BTBD8: variants seen among roughly 807,000 people sequenced by gnomAD.
BTBD8 encodes the protein BTB/POZ domain-containing protein 8.
Under a neutral mutation model 162.9 loss-of-function variants are expected in BTBD8, and 110 were observed. That is an observed-to-expected ratio of 0.68 (90% CI 0.58 to 0.79). The LOEUF (loss-of-function observed/expected upper bound fraction) is 0.79, where lower values mean the gene tolerates loss of function less well. Ranked by LOEUF, BTBD8 falls within the 30% of genes least tolerant of loss-of-function variation. BTBD8 has a pLI of 0.00. For missense variants in BTBD8, 1,905 were observed against 2,085.4 expected (o/e 0.91, Z 1.68); for synonymous variants, 667 against 716.1 (o/e 0.93, Z 1.10).
chr1:92,141,083 G>T, intron 6 of BTBD8, 32 bp from the exon 7 acceptor site: 1 of 1,494,878 alleles, frequency 6.7e-7, no homozygotes, highest in Non-Finnish European at 8.9e-7. Context: ...TTTTAAATTG[G>T]AGAATTAACA....
At chr1:92,129,862 C>A in intron 5 of BTBD8, 86 bp downstream of exon 5, 1 of 1,131,610 alleles carries the variant, frequency 8.8e-7, no homozygotes, top group South Asian at 1.3e-5. Flanking sequence ...TCTGATTTCC[C>A]TGGATGTTCA....
chr1:92,122,680 C>T (rs568816255), intron 4 of BTBD8, among the ~76,000 whole-genome samples: 4 of 151,216 alleles, frequency 2.6e-5, no homozygotes, highest in South Asian at 2.1e-4. Flanking sequence ...TTCTTGTGCC[C>T]CAGCCTCCTG....
chr1:92,084,773 G>T (rs1648110113), intron 1 of BTBD8, among the ~76,000 whole-genome samples: 1 of 152,114 alleles, frequency 6.6e-6, no homozygotes, highest in Non-Finnish European at 1.5e-5. Flanking sequence ...GTTAATAGAG[G>T]TTCAGCACAC....
Position 92,167,989 on chromosome 1 carries a change from C to T in BTBD8, c.1443+4C>T. Reference sequence around the variant, plus strand: ...CTCTGACAGTACAAAGGAAATGGTACTGAATGTAATGAAATTTATTAAAAT... The same window carrying T: ...CTCTGACAGTACAAAGGAAATGGTATTGAATGTAATGAAATTTATTAAAAT... On this transcript the variant is annotated splice_donor_region_variant and intron_variant, in intron 11 of 17. Coordinates refer to ENST00000636805, the MANE Select transcript of BTBD8 (RefSeq NM_001376131.1). 1 of 1,529,836 alleles carries T rather than the reference C, an allele frequency of 6.5e-7. No individual in the cohort carries two copies. The highest frequency in any genetic ancestry group is 1.3e-5 in the South Asian group (1 of 79,338). 94.8% of individuals were successfully genotyped at this position (1,529,836 alleles called of 1,614,324 possible). A position where few individuals can be genotyped will look rare whatever the true frequency, so the allele number is the denominator to read the frequency against.
At chr1:92,130,553 CACACACACACACACAT>C (rs1244653116) in intron 5 of BTBD8, among the ~76,000 whole-genome samples, 3 of 144,630 alleles carry the variant, frequency 2.1e-5, no homozygotes, top group Admixed American at 7.2e-5. Flanking sequence ...CACACACACA[CACACACACACACACAT>C]ATACGCACAC....
intron 11 of BTBD8, 94 bp downstream of exon 11, chr1:92,168,079 G>A: frequency 2.7e-6 from 3 of 1,112,058 alleles, no homozygotes; most frequent in Non-Finnish European, 3.7e-6. Flanking sequence ...GGTCATTGAA[G>A]CTAGGCAGTG....
At chr1:92,182,642 A>G (rs1195520551) in intron 17 of BTBD8, 47 bp downstream of exon 17, 2 of 1,248,496 alleles carry the variant, frequency 1.6e-6, no homozygotes, top group Non-Finnish European at 2.1e-6. Context: ...AAATAAGTTT[A>G]TAAAATTTTA....
At chr1:92,119,698 C>T (rs1421064803) in intron 4 of BTBD8, among the ~76,000 whole-genome samples, 1 of 150,338 alleles carries the variant, frequency 6.7e-6, no homozygotes, top group Non-Finnish European at 1.5e-5. Flanking sequence ...GCGATCTCGG[C>T]TCACTGCAAG....
intron 4 of BTBD8, among the ~76,000 whole-genome samples, chr1:92,124,827 T>C (rs1649309324): frequency 1.3e-5 from 2 of 152,220 alleles, no homozygotes; most frequent in African/African-American, 4.8e-5. Context: ...TGTCATTTTT[T>C]CAAACCTAAG....
intron 3 of BTBD8, among the ~76,000 whole-genome samples, chr1:92,104,077 G>A (rs493595): frequency 0.69 from 104,643 of 151,584 alleles, 36,541 homozygotes; most frequent in East Asian, 0.97. Flanking sequence ...GCAATAACCT[G>A]GTGTTTCTCA....
chr1:92,108,043 A>G (rs1017237592), intron 4 of BTBD8, 42 bp downstream of exon 4: 1 of 1,532,820 alleles, frequency 6.5e-7, no homozygotes, highest in Non-Finnish European at 9.0e-7. Flanking sequence ...TTGTGGCTGT[A>G]GAGTGTGGAA....
chr1:92,128,185 C>T (rs918598866), intron 4 of BTBD8, among the ~76,000 whole-genome samples: 1 of 151,884 alleles, frequency 6.6e-6, no homozygotes, highest in Non-Finnish European at 1.5e-5. Context: ...GGTGCGATCT[C>T]GGCTCACTGC....
chr1:92,124,407 A>G (rs1649299443), intron 4 of BTBD8, among the ~76,000 whole-genome samples: 2 of 152,296 alleles, frequency 1.3e-5, no homozygotes, highest in Admixed American at 1.3e-4. Context: ...TTGGAATATA[A>G]TATTGTTCCG....
intron 7 of BTBD8, among the ~76,000 whole-genome samples, chr1:92,142,086 C>G (rs12066588): frequency 6.6e-6 from 1 of 152,168 alleles, no homozygotes; most frequent in Non-Finnish European, 1.5e-5. Context: ...TCTAGTACCA[C>G]GAACACTACC....
intron 9 of BTBD8, among the ~76,000 whole-genome samples, chr1:92,165,761 C>T (rs1204189826): frequency 1.3e-5 from 2 of 151,996 alleles, no homozygotes; most frequent in African/African-American, 4.8e-5. Flanking sequence ...GTCTGGTGGT[C>T]CCAGGATTCT....
chr1:92,127,226 C>T (rs1394033975), intron 4 of BTBD8, among the ~76,000 whole-genome samples: 2 of 152,228 alleles, frequency 1.3e-5, no homozygotes, highest in African/African-American at 4.8e-5. Flanking sequence ...TCTGCCTCTG[C>T]TCACAAATTC....
chr1:92,127,452 A>T (rs1649390143), intron 4 of BTBD8, among the ~76,000 whole-genome samples: 1 of 152,218 alleles, frequency 6.6e-6, no homozygotes, highest in Non-Finnish European at 1.5e-5. Context: ...CATAACAGAA[A>T]TGGAGGTGAT....
intron 4 of BTBD8, among the ~76,000 whole-genome samples, chr1:92,121,125 C>A (rs1649196396): frequency 6.6e-6 from 1 of 152,170 alleles, no homozygotes; most frequent in African/African-American, 2.4e-5. Context: ...TGCTTTCCTG[C>A]ATTGATTTTG....
In BTBD8 at chr1:92,181,452, A is replaced by G. The variant is rs979820168; in HGVS notation, c.3769A>G (p.Thr1257Ala). ...TGAATCTGACACTGGCAGTGCTACC[A>G]CCTCCTCCGATGACATAAAGCCCAG... ...SPESDTGSAT[T>A]SSDDIKPRSE... Residue 1257 changes from threonine (T) to alanine (A), a missense_variant, in exon 17 of 18, where the codon ACC becomes GCC. Thr to Ala is a moderately conservative substitution (Grantham distance 58). Around this residue, in one of 3 missense-constraint regions of BTBD8, gnomAD observed 14 missense variants for 36.1 expected, o/e 0.39. Transcript: ENST00000636805. The G allele has an allele frequency of 4.5e-6, 7 of 1,551,376 alleles. No individual in the cohort carries two copies. In the African/African-American group the frequency reaches 5.5e-5, roughly 12 times the overall value.
Sources: gnomAD v4.1 joint callset for allele counts (sites outside exome capture counted in the v4.1 genomes callset) on GRCh38, gnomAD v4.1.1 for gene constraint, gnomAD v4.1.1 regional missense constraint, MANE v1.5 for transcripts, NCBI Gene and HGNC (gene_info 2026-07-23, HGNC 2026-07-21) for gene names.